XYLT1: variants seen among roughly 807,000 people sequenced by gnomAD.
XYLT1 encodes xylosyltransferase 1, also known as beta-D-xylosyltransferase 1.
XYLT1 carries 36 observed loss-of-function variants against 91.3 expected under a neutral mutation model. The observed-to-expected ratio is 0.39, with a 90% CI of 0.30 to 0.52. The LOEUF is 0.52. Ranked by LOEUF, XYLT1 falls within the 20% of genes least tolerant of loss-of-function variation. The pLI is 0.68. For synonymous variants in XYLT1, 588 were observed against 532.0 expected (o/e 1.11, Z -1.45); for missense variants, 1,242 against 1,284.5 (o/e 0.97, Z 0.51).
intron 5 of XYLT1, among the ~76,000 whole-genome samples, chr16:17,161,987 TA>T (rs986034472): frequency 1.3e-5 from 2 of 152,014 alleles, no homozygotes; most frequent in African/African-American, 4.8e-5. Flanking sequence ...TCGAAATGAA[TA>T]AAAAAATGAG....
intron 5 of XYLT1, among the ~76,000 whole-genome samples, chr16:17,183,061 TACACAAC>T (rs2032105815): frequency 6.6e-6 from 1 of 152,298 alleles, no homozygotes; most frequent in Non-Finnish European, 1.5e-5. Context: ...GTCAACCACT[TACACAAC>T]ACACTGCATA....
At chr16:17,232,137 AGAT>A (rs1222883890) in intron 3 of XYLT1, among the ~76,000 whole-genome samples, 3 of 144,796 alleles carry the variant, frequency 2.1e-5, no homozygotes, top group Non-Finnish European at 3.0e-5. Flanking sequence ...AATATATAAT[AGAT>A]AATAGATTAT....
At chr16:17,216,056 C>G (rs770247737) in intron 3 of XYLT1, among the ~76,000 whole-genome samples, 6 of 152,204 alleles carry the variant, frequency 3.9e-5, no homozygotes, top group Non-Finnish European at 7.3e-5. Context: ...ATCCTGCACT[C>G]TGTGCTTCGT....
intron 2 of XYLT1, among the ~76,000 whole-genome samples, chr16:17,275,023 A>G (rs975315481): frequency 6.6e-6 from 1 of 152,072 alleles, no homozygotes; most frequent in African/African-American, 2.4e-5. Context: ...CTGAAAATAC[A>G]AAAATTAGCT....
chr16:17,351,140 C>T (rs1203507187), intron 2 of XYLT1, among the ~76,000 whole-genome samples: 2 of 152,156 alleles, frequency 1.3e-5, no homozygotes. Context: ...TTTTTAAACA[C>T]ATGATGTACA....
At chr16:17,468,685 CTCCT>C (rs2036934266) in intron 1 of XYLT1, among the ~76,000 whole-genome samples, 1 of 151,922 alleles carries the variant, frequency 6.6e-6, no homozygotes, top group Non-Finnish European at 1.5e-5. Context: ...CTAGCCCTGC[CTCCT>C]TCCTTCTCTT....
intron 2 of XYLT1, among the ~76,000 whole-genome samples, chr16:17,331,033 A>G (rs1478265532): frequency 1.3e-5 from 2 of 152,220 alleles, no homozygotes; most frequent in East Asian, 1.9e-4. Context: ...CTTATGCTCA[A>G]CCAGGTCCTG....
At chr16:17,244,474 T>C (rs1015351384) in intron 3 of XYLT1, among the ~76,000 whole-genome samples, 23 of 152,258 alleles carry the variant, frequency 1.5e-4, no homozygotes, top group African/African-American at 1.7e-4. Context: ...CAATACAGGA[T>C]ATACTGTTAT....
intron 2 of XYLT1, among the ~76,000 whole-genome samples, chr16:17,325,574 A>G (rs902014642): frequency 6.6e-6 from 1 of 152,204 alleles, no homozygotes. Flanking sequence ...TATGTAGAAA[A>G]TACACATACA....
chr16:17,169,391 T>C (rs2031771651), intron 5 of XYLT1, among the ~76,000 whole-genome samples: 1 of 152,256 alleles, frequency 6.6e-6, no homozygotes, highest in South Asian at 2.1e-4. Flanking sequence ...ACTCATTGTA[T>C]TTGAATGGAC....
At chr16:17,186,228 C>A (rs747288235) in intron 5 of XYLT1, among the ~76,000 whole-genome samples, 1 of 152,082 alleles carries the variant, frequency 6.6e-6, no homozygotes, top group Non-Finnish European at 1.5e-5. Context: ...CTCAGCCTCC[C>A]GAGTATCTGG....
intron 6 of XYLT1, among the ~76,000 whole-genome samples, chr16:17,142,702 C>G (rs1392880908): frequency 6.6e-6 from 1 of 151,768 alleles, no homozygotes; most frequent in African/African-American, 2.4e-5. Context: ...CTTGGCCTCA[C>G]AGAGTGCTGG....
chr16:17,258,282 T>G (rs923352064), intron 3 of XYLT1, among the ~76,000 whole-genome samples: 2 of 125,380 alleles, frequency 1.6e-5, no homozygotes, highest in African/African-American at 3.1e-5. Context: ...AGAAAGAAAA[T>G]AGGAAGAAAA....
chr16:17,220,070 T>C (rs1169733838), intron 3 of XYLT1, among the ~76,000 whole-genome samples: 2 of 152,154 alleles, frequency 1.3e-5, no homozygotes, highest in African/African-American at 4.8e-5. Context: ...TTTGACAGGA[T>C]GCAGTTAAGA....
chr16:17,217,877 G>A (rs1427295249), intron 3 of XYLT1, among the ~76,000 whole-genome samples: 1 of 151,864 alleles, frequency 6.6e-6, no homozygotes, highest in Admixed American at 6.6e-5. Context: ...CCAGGTGAAA[G>A]GATGTCACTT....
chr16:17,173,299 G>A (rs2031868246), intron 5 of XYLT1, among the ~76,000 whole-genome samples: 1 of 152,226 alleles, frequency 6.6e-6, no homozygotes, highest in South Asian at 2.1e-4. Flanking sequence ...AAACATTTAT[G>A]TTACAGCTAC....
In XYLT1 at chr16:17,108,806, G is replaced by C; in HGVS notation, c.2769C>G (p.Gly923=). The C allele has an allele frequency of 6.2e-7, 1 of 1,612,044 alleles. No individual in the cohort carries two copies. The highest frequency in any genetic ancestry group is 2.2e-5 in the East Asian group (1 of 44,874). The change falls in exon 12 of 12, where the codon GGC becomes GGG. Residue 923 remains glycine, a synonymous_variant. Coordinates refer to ENST00000261381, the MANE Select transcript of XYLT1 (RefSeq NM_022166.4). ...TCTGCATGACCGGGCAGGCTGTGGG[G>C]CCCGTGGCACAGATGTCCATGGCAG... The part of the protein sequence containing the change: ...MWTAMDICAT[G]PTACPVMQTC...
chr16:17,170,786 C>T (rs2031803311), intron 5 of XYLT1, among the ~76,000 whole-genome samples: 1 of 152,090 alleles, frequency 6.6e-6, no homozygotes, highest in South Asian at 2.1e-4. Flanking sequence ...TCCATTTCAC[C>T]ACATAGGTCT....
chr16:17,254,693 C>A (rs1290838266), intron 3 of XYLT1, among the ~76,000 whole-genome samples: 2 of 152,108 alleles, frequency 1.3e-5, no homozygotes, highest in South Asian at 4.1e-4. Context: ...CCGTGCCTGG[C>A]CTAGCTTACT....
Sources: gnomAD v4.1 joint callset for allele counts (sites outside exome capture counted in the v4.1 genomes callset) on GRCh38, gnomAD v4.1.1 for gene constraint, MANE v1.5 for transcripts, NCBI Gene and HGNC (gene_info 2026-07-23, HGNC 2026-07-21) for gene names.